Variants in SH3BGRL observed in about 807,000 individuals in gnomAD.
The protein encoded by SH3BGRL is SH3 domain binding glutamate rich protein like, also known as adapter SH3BGRL.
SH3BGRL carries 7 observed loss-of-function variants against 9.8 expected under a neutral mutation model. The observed-to-expected ratio is 0.72, with a 90% confidence interval of 0.41 to 1.35. The LOEUF (loss-of-function observed/expected upper bound fraction) is 1.35. Among genes scored for constraint, SH3BGRL ranks in the 40% most tolerant of loss-of-function variants. The pLI, the probability that SH3BGRL is intolerant of heterozygous loss-of-function variation, is 0.01. For synonymous variants in SH3BGRL, 36 were observed against 29.1 expected, an observed-to-expected ratio of 1.24 and a Z score of -0.76; for missense variants, 73 against 84.4, an observed-to-expected ratio of 0.86 and a Z score of 0.53.
intron 1 of SH3BGRL, among the ~76,000 whole-genome samples, chrX:81,217,096 G>T (rs749031718): frequency 3.7e-4 from 40 of 108,281 alleles, no homozygotes; most frequent in Non-Finnish European, 6.9e-4. Flanking sequence ...CCACATCCTC[G>T]CCAGCATGTT....
chrX:81,230,403 AGAGTGT>A (rs1192186838), intron 1 of SH3BGRL, among the ~76,000 whole-genome samples: 3 of 112,278 alleles, frequency 2.7e-5, no homozygotes, highest in African/African-American at 9.7e-5. Flanking sequence ...GTTTAGAGTG[AGAGTGT>A]AACAGTAGAC....
chrX:81,211,448 G>A (rs1015069293), intron 1 of SH3BGRL, among the ~76,000 whole-genome samples: 3 of 111,257 alleles, frequency 2.7e-5, no homozygotes, highest in Non-Finnish European at 3.8e-5. Flanking sequence ...TTAGCCGGGC[G>A]TGGTGGCGGG....
At chrX:81,231,120 A>G (rs2075631696) in intron 1 of SH3BGRL, among the ~76,000 whole-genome samples, 1 of 112,285 alleles carries the variant, frequency 8.9e-6, no homozygotes, top group Non-Finnish European at 1.9e-5. Flanking sequence ...GAAAATGTTC[A>G]TGTAGAAATA....
At chrX:81,259,080 T>G (rs780593259) in intron 1 of SH3BGRL, among the ~76,000 whole-genome samples, 4 of 112,616 alleles carry the variant, frequency 3.6e-5, no homozygotes, top group Non-Finnish European at 7.5e-5. Flanking sequence ...TTGGAGTTTG[T>G]AGTTACAGTC....
chrX:81,280,525 A>G (rs1331662093), intron 3 of SH3BGRL, among the ~76,000 whole-genome samples: 2 of 111,980 alleles, frequency 1.8e-5, no homozygotes, highest in Non-Finnish European at 3.8e-5. Context: ...AGTACCAACC[A>G]GGATCTGGGT....
intron 1 of SH3BGRL, among the ~76,000 whole-genome samples, chrX:81,261,329 G>A (rs976349417): frequency 9.0e-6 from 1 of 111,280 alleles, no homozygotes; most frequent in Non-Finnish European, 1.9e-5. Context: ...AATAATATAT[G>A]CAAAGTGCCT....
At chrX:81,202,473 CA>C (rs1196207601) in intron 1 of SH3BGRL, 55 of 987,334 alleles carry the variant, frequency 5.6e-5, no homozygotes, top group Non-Finnish European at 6.2e-5. Context: ...TTGGGGGGCA[CA>C]TTTCTGCTTT....
chrX:81,205,486 ATGTG>A (rs1227518163), intron 1 of SH3BGRL, among the ~76,000 whole-genome samples: 57 of 90,487 alleles, frequency 6.3e-4, no homozygotes, highest in African/African-American at 2.3e-3. Flanking sequence ...GTGTATATAT[ATGTG>A]TGTGTGTGTG....
At chrX:81,260,377 G>C (rs2075737509) in intron 1 of SH3BGRL, among the ~76,000 whole-genome samples, 1 of 111,424 alleles carries the variant, frequency 9.0e-6, no homozygotes, top group Non-Finnish European at 1.9e-5. Flanking sequence ...AATAACAGCT[G>C]TCTCATAAGG....
At chrX:81,228,450 G>C (rs1381084929) in intron 1 of SH3BGRL, among the ~76,000 whole-genome samples, 1 of 111,857 alleles carries the variant, frequency 8.9e-6, no homozygotes, top group Non-Finnish European at 1.9e-5. Context: ...TTAAGATAAG[G>C]GGTTGTAGAG....
At chrX:81,256,368 T>A (rs756014249) in intron 1 of SH3BGRL, among the ~76,000 whole-genome samples, 1 of 112,231 alleles carries the variant, frequency 8.9e-6, no homozygotes, top group East Asian at 2.8e-4. Context: ...AATATATTGC[T>A]CCACAGTATT....
At chrX:81,295,387 TTA>T (rs2075871136) in intron 3 of SH3BGRL, among the ~76,000 whole-genome samples, 1 of 111,438 alleles carries the variant, frequency 9.0e-6, no homozygotes, top group Admixed American at 9.5e-5. Flanking sequence ...TCTGTTGGTT[TTA>T]TCCGGCGTTT....
chrX:81,283,049 G>A (rs187521372), intron 3 of SH3BGRL, among the ~76,000 whole-genome samples: 5 of 111,451 alleles, frequency 4.5e-5, no homozygotes, highest in East Asian at 2.8e-4. Flanking sequence ...ACCTCTATGC[G>A]CATAAACTAG....
At chrX:81,255,441 T>G (rs886962012) in intron 1 of SH3BGRL, 1 of 112,131 alleles carries the variant, frequency 8.9e-6, no homozygotes, top group Admixed American at 9.5e-5. Context: ...TGAGAGAATT[T>G]TCTGTGGAAA....
intron 1 of SH3BGRL, among the ~76,000 whole-genome samples, chrX:81,204,549 G>T (rs1480838429): frequency 9.0e-6 from 1 of 111,260 alleles, no homozygotes; most frequent in Non-Finnish European, 1.9e-5. Context: ...GCTTTGGATT[G>T]GTGGTAGCTG....
At chrX:81,292,510 C>A (rs1195679876) in intron 3 of SH3BGRL, among the ~76,000 whole-genome samples, 1 of 112,117 alleles carries the variant, frequency 8.9e-6, no homozygotes, top group Admixed American at 9.4e-5. Flanking sequence ...GCAGGGGCTG[C>A]CATAAAGGCC....
rs987940270 is a variant in SH3BGRL at position 81,297,324 on chromosome X, T to C, written c.*97T>C. The C allele has an allele frequency of 1.4e-5, 9 of 665,389 alleles. No individual in the cohort carries two copies. Among genetic ancestry groups the C allele is most frequent in the Non-Finnish European group, 2.0e-5 (9 of 443,305 alleles). The allele number at this position is 665,389 out of a possible 1,213,427, so 54.8% of individuals were successfully genotyped here. A position where few individuals can be genotyped will look rare whatever the true frequency, so the allele number is the denominator to read the frequency against. Reference sequence around the variant, plus strand: ...TTTGCTTCAAAAGAAATAGGCTTAATGTTGAAATAATAGATTAGTTGGGTT... The same window carrying C: ...TTTGCTTCAAAAGAAATAGGCTTAACGTTGAAATAATAGATTAGTTGGGTT... On this transcript the variant is annotated 3_prime_UTR_variant, in exon 4 of 4. Coordinates refer to ENST00000373212, the MANE Select transcript of SH3BGRL (RefSeq NM_003022.3).
chrX:81,259,420 G>A (rs1023920985), intron 1 of SH3BGRL, among the ~76,000 whole-genome samples: 3 of 111,644 alleles, frequency 2.7e-5, no homozygotes, highest in African/African-American at 9.8e-5. Flanking sequence ...CTAGATTCTT[G>A]AACTTGTCCC....
chrX:81,254,927 T>C (rs750769132), intron 1 of SH3BGRL, among the ~76,000 whole-genome samples: 1 of 106,364 alleles, frequency 9.4e-6, no homozygotes, highest in East Asian at 3.0e-4. Flanking sequence ...AGTCTCGCTC[T>C]GTTGCCAGGC....
Sources: gnomAD v4.1 joint callset for allele counts (sites outside exome capture counted in the v4.1 genomes callset) on GRCh38, gnomAD v4.1.1 for gene constraint, MANE v1.5 for transcripts, NCBI Gene and HGNC (gene_info 2026-07-23, HGNC 2026-07-21) for gene names.